NPHP1: variants seen among roughly 807,000 people sequenced by gnomAD.
The protein encoded by NPHP1 is nephrocystin 1.
In NPHP1, 70 loss-of-function variants were observed where a neutral mutation model predicts 90.4. The ratio of observed to expected loss-of-function variants is 0.77; its 90% CI spans 0.64 to 0.95. The LOEUF is 0.95. NPHP1 is among the 40% of genes least tolerant of loss of function. The pLI, the probability that NPHP1 is intolerant of heterozygous loss-of-function variation, is 0.00. For missense variants in NPHP1, 764 were observed against 795.9 expected (o/e 0.96, Z 0.48); for synonymous variants, 256 against 271.7 (o/e 0.94, Z 0.57).
At chr2:110,169,407 G>A (rs1682952819) in intron 5 of NPHP1, among the ~76,000 whole-genome samples, 2 of 151,962 alleles carry the variant, frequency 1.3e-5, no homozygotes, top group South Asian at 2.1e-4. Flanking sequence ...TTATGCCCAG[G>A]CCAACCAAGC....
intron 8 of NPHP1, chr2:110,163,972 C>T (rs866408331): frequency 8.9e-5 from 14 of 157,734 alleles, no homozygotes; most frequent in Admixed American, 2.5e-4. Context: ...CCACTGTGCC[C>T]GGCCTGTAAT....
intron 18 of NPHP1, chr2:110,127,215 G>A (rs1337129929): frequency 6.6e-6 from 1 of 152,170 alleles, no homozygotes; most frequent in South Asian, 2.1e-4. Flanking sequence ...TCCAGATGGT[G>A]CTGTGAGACA....
At position 110,190,581 on chromosome 2, in the gene NPHP1, C is replaced by T. The variant is rs373460305; in HGVS notation, c.143+10840G>A. On this transcript the variant is annotated intron_variant, in intron 2 of 19. Transcript: ENST00000445609. ...GTTCCCACCCGCGCCTCTCCCTCCA[C>T]ACCTCCTCGCAAGCTGAGGGAGCTG... 5.2e-3 allele frequency among the ~76,000 whole-genome samples: 793 copies of T among 152,330 alleles called. 8 individuals carry two copies. Among genetic ancestry groups the T allele is most frequent in the South Asian group, 0.013 (61 of 4,824 alleles).
At chr2:110,159,666 CT>C (rs1449284849) in intron 11 of NPHP1, among the ~76,000 whole-genome samples, 2 of 151,876 alleles carry the variant, frequency 1.3e-5, no homozygotes, top group African/African-American at 4.8e-5. Flanking sequence ...TTTTCTTTTA[CT>C]TTTTAAAAAA....
intron 4 of NPHP1, among the ~76,000 whole-genome samples, chr2:110,171,018 C>T (rs755343407): frequency 1.3e-5 from 2 of 151,970 alleles, no homozygotes; most frequent in South Asian, 2.1e-4. Flanking sequence ...ATGATTCCCA[C>T]TTTAGAAAGG....
chr2:110,160,905 A>G (rs1682263425), intron 10 of NPHP1, among the ~76,000 whole-genome samples: 1 of 152,094 alleles, frequency 6.6e-6, no homozygotes, highest in South Asian at 2.1e-4. Flanking sequence ...GGTGGCTCAC[A>G]CTTGTAATCC....
At chr2:110,204,270 G>A (rs1420044809) in intron 1 of NPHP1, among the ~76,000 whole-genome samples, 1 of 152,154 alleles carries the variant, frequency 6.6e-6, no homozygotes, top group Non-Finnish European at 1.5e-5. Flanking sequence ...AGAGTGTTGT[G>A]ATTTTTAACA....
intron 2 of NPHP1, chr2:110,184,730 G>C (rs574193541): frequency 5.2e-5 from 37 of 718,202 alleles, no homozygotes; most frequent in South Asian, 5.0e-4. Context: ...GGCCATAAAA[G>C]AAAGACCCTC....
chr2:110,193,970 C>A lies in NPHP1; in HGVS notation c.143+7451G>T, dbSNP rs569670339. ...TTCTTTGAAACCAACGAGAACAAAG[C>A]CACAACATACCAGAATCTCTGGGAC... is the stretch of plus-strand genomic sequence containing the variant. On this transcript the variant is annotated intron_variant, in intron 2 of 19. Coordinates refer to ENST00000445609, the MANE Select transcript of NPHP1 (RefSeq NM_001128178.3). 4.1e-4 allele frequency among the ~76,000 whole-genome samples: 62 copies of A among 151,716 alleles called. 1 individual carries two copies. The highest frequency in any genetic ancestry group is 2.1e-4 in the South Asian group (1 of 4,770).
intron 4 of NPHP1, among the ~76,000 whole-genome samples, 163 bp from the exon 5 acceptor site, chr2:110,170,161 C>T (rs919378839): frequency 6.6e-6 from 1 of 152,078 alleles, no homozygotes; most frequent in Non-Finnish European, 1.5e-5. Context: ...TAGCTAAGAC[C>T]GTGTGCCTGG....
chr2:110,168,568 A>G lies in NPHP1; in HGVS notation c.523-15T>C. 1 of 1,482,544 alleles carries G rather than the reference A, an allele frequency of 6.7e-7. No individual in the cohort carries two copies. Among genetic ancestry groups the G allele is most frequent in the South Asian group, 1.1e-5 (1 of 88,250 alleles). The allele number at this position is 1,482,544 out of a possible 1,614,324, so 91.8% of individuals were successfully genotyped here. ...ATTTCCCCTTTCTTAAAGCAAAACA[A>G]AGTAAACCATTTTAAATAAAATTCA... On this transcript the variant is annotated splice_polypyrimidine_tract_variant and intron_variant, in intron 5 of 19. Coordinates refer to ENST00000445609, the MANE Select transcript of NPHP1 (RefSeq NM_001128178.3).
chr2:110,134,151 A>G (rs1679991921), intron 16 of NPHP1, among the ~76,000 whole-genome samples: 1 of 152,090 alleles, frequency 6.6e-6, no homozygotes. Context: ...AAAATCAGAA[A>G]TGAAAGAGGG....
chr2:110,157,369 C>A (rs905801732), intron 11 of NPHP1, among the ~76,000 whole-genome samples: 1 of 152,020 alleles, frequency 6.6e-6, no homozygotes, highest in African/African-American at 2.4e-5. Flanking sequence ...CCTACTGGCT[C>A]ATTTGTGGCA....
At chr2:110,185,201 C>T in intron 2 of NPHP1, 1 of 536,644 alleles carries the variant, frequency 1.9e-6, no homozygotes, top group Non-Finnish European at 3.7e-6. Flanking sequence ...ATCATCTTCA[C>T]CTCTCTCTGA....
At chr2:110,157,562 G>A (rs748161984) in intron 11 of NPHP1, among the ~76,000 whole-genome samples, 7 of 152,090 alleles carry the variant, frequency 4.6e-5, no homozygotes, top group Non-Finnish European at 7.4e-5. Context: ...CTCTTCCAGT[G>A]TTCCCCATCT....
At chr2:110,146,647 C>G (rs763637148) in intron 14 of NPHP1, 106 bp downstream of exon 14, 52 of 833,006 alleles carry the variant, frequency 6.2e-5, no homozygotes, top group Non-Finnish European at 1.0e-4. Context: ...AAGTCCTCTC[C>G]CCAAAAGTTA....
At chr2:110,129,159 G>A (rs750476470) in intron 18 of NPHP1, 27 bp downstream of exon 18, 1 of 1,575,196 alleles carries the variant, frequency 6.3e-7, no homozygotes, top group East Asian at 2.2e-5. Context: ...AAGCCAGCAG[G>A]TTTCCATTGC....
intron 1 of NPHP1, 124 bp downstream of exon 1, chr2:110,204,776 G>A: frequency 1.1e-6 from 1 of 938,474 alleles, no homozygotes; most frequent in Non-Finnish European, 1.7e-6. Flanking sequence ...GTTACAACCT[G>A]GGAAGGTAAG....
At chr2:110,124,963 G>T (rs1679244880) in intron 19 of NPHP1, 2 of 405,840 alleles carry the variant, frequency 4.9e-6, no homozygotes, top group Non-Finnish European at 8.7e-6. Flanking sequence ...GTAAAGTATG[G>T]ACTGTGGGCC....
Sources: allele counts gnomAD v4.1 joint callset (sites outside exome capture counted in the v4.1 genomes callset), GRCh38; gene constraint gnomAD v4.1.1; transcripts MANE v1.5; gene names NCBI Gene and HGNC (gene_info 2026-07-23, HGNC 2026-07-21).